Variants in BTBD8 observed in about 807,000 individuals in gnomAD.
BTBD8 encodes the protein BTB/POZ domain-containing protein 8.
BTBD8 carries 110 observed loss-of-function variants against 162.9 expected under a neutral mutation model. The observed-to-expected ratio is 0.68, with a 90% CI of 0.58 to 0.79. BTBD8 has a LOEUF of 0.79. Among genes scored for constraint, BTBD8 ranks in the 30% least tolerant of loss-of-function variants. BTBD8 has a pLI of 0.00. For synonymous variants in BTBD8, 667 were observed against 716.1 expected, an observed-to-expected ratio of 0.93 and a Z score of 1.10; for missense variants, 1,905 against 2,085.4, an observed-to-expected ratio of 0.91 and a Z score of 1.68.
chr1:92,180,365 A>G lies in BTBD8; in HGVS notation c.2682A>G (p.Lys894=), dbSNP rs1389496651. Residue 894 remains lysine, a synonymous_variant, in exon 17 of 18, where the codon AAA becomes AAG. Transcript: ENST00000636805. ...AKLDHNTTTE[K]QAPKRKMVKQ... is the part of the protein sequence containing the mutation. ...TGGACCACAATACAACTACAGAGAA[A>G]CAAGCACCTAAGAGAAAAATGGTCA... 4 of 1,551,698 alleles carry G rather than the reference A, an allele frequency of 2.6e-6. No homozygotes were observed. Among genetic ancestry groups the G allele is most frequent in the Admixed American group, 2.0e-5 (1 of 51,012 alleles).
chr1:92,139,356 C>T lies in BTBD8; in HGVS notation c.759C>T (p.Ser253=), dbSNP rs752941229. Residue 253 remains serine (S), a synonymous_variant, in exon 6 of 18, where the codon AGC becomes AGT. Transcript: ENST00000636805. ...SQEYVTLQGI[S]HVELNVMMHF... ...GTTTTCTTTTATTTTTCAGTATAAGCCATGTAGAACTGAATGTTATGATGC... is the reference window on the plus strand; with the variant it reads ...GTTTTCTTTTATTTTTCAGTATAAGTCATGTAGAACTGAATGTTATGATGC... The T allele has an allele frequency of 2.5e-6, 4 of 1,573,780 alleles. No homozygotes were observed. The highest frequency in any genetic ancestry group is 3.4e-6 in the Non-Finnish European group (4 of 1,168,116).
At chr1:92,143,684 GTATTTT>G (rs1649831698) in intron 7 of BTBD8, among the ~76,000 whole-genome samples, 1 of 151,236 alleles carries the variant, frequency 6.6e-6, no homozygotes, top group Admixed American at 6.6e-5. Context: ...CTAATTTTTT[GTATTTT>G]TAGTAGAGAC....
intron 5 of BTBD8, 101 bp downstream of exon 5, chr1:92,129,877 A>C (rs1649468077): frequency 1.0e-5 from 10 of 993,024 alleles, no homozygotes; most frequent in Non-Finnish European, 1.4e-5. Flanking sequence ...TGTTCAAGGA[A>C]ATATTTCTCA....
At chr1:92,124,001 C>A (rs1649283812) in intron 4 of BTBD8, among the ~76,000 whole-genome samples, 1 of 152,050 alleles carries the variant, frequency 6.6e-6, no homozygotes, top group South Asian at 2.1e-4. Context: ...CGTTCGGGAT[C>A]CAACTGAAAT....
At chr1:92,130,334 A>C (rs983077335) in intron 5 of BTBD8, among the ~76,000 whole-genome samples, 2 of 152,134 alleles carry the variant, frequency 1.3e-5, no homozygotes, top group African/African-American at 4.8e-5. Context: ...CAGACATTTC[A>C]GTTCATAACA....
intron 3 of BTBD8, among the ~76,000 whole-genome samples, chr1:92,105,505 A>G (rs1648703261): frequency 2.6e-5 from 4 of 152,108 alleles, no homozygotes; most frequent in African/African-American, 4.8e-5. Context: ...CACCCGCCTC[A>G]GCCTCCCAAA....
Position 92,177,879 on chromosome 1 carries a change from G to C in BTBD8, c.2422G>C (p.Asp808His). 6.5e-7 allele frequency: 1 copy of C among 1,527,046 alleles called. No individual in the cohort carries two copies. Among genetic ancestry groups the C allele is most frequent in the Non-Finnish European group, 8.9e-7 (1 of 1,125,196 alleles). 94.6% of individuals were successfully genotyped at this position (1,527,046 alleles called of 1,614,324 possible). A position where few individuals can be genotyped will look rare whatever the true frequency, so the allele number is the denominator to read the frequency against. ...TSNKKSIHEQDTNVNNSVLKK... is the reference protein window; with the variant it reads ...TSNKKSIHEQHTNVNNSVLKK... ...CAATAAAAAAAGTATTCATGAACAA[G>C]ACACTAATGTAAATAACAGGTAGGT... Residue 808 changes from aspartate (D) to histidine (H), a missense_variant, in exon 15 of 18, where the codon GAC becomes CAC. Coordinates refer to ENST00000636805, the MANE Select transcript of BTBD8 (RefSeq NM_001376131.1).
At chr1:92,164,793 C>T (rs1448166932) in intron 9 of BTBD8, among the ~76,000 whole-genome samples, 1 of 150,976 alleles carries the variant, frequency 6.6e-6, no homozygotes, top group Non-Finnish European at 1.5e-5. Context: ...TCCCAAGTAG[C>T]TGGGACTACA....
At chr1:92,130,645 A>G (rs1649495450) in intron 5 of BTBD8, among the ~76,000 whole-genome samples, 1 of 151,968 alleles carries the variant, frequency 6.6e-6, no homozygotes, top group African/African-American at 2.4e-5. Flanking sequence ...TCTCAAAAGG[A>G]TCTTAATTGT....
chr1:92,144,810 TACACACACACAC>T (rs10631515), intron 7 of BTBD8, among the ~76,000 whole-genome samples: 18 of 140,798 alleles, frequency 1.3e-4, no homozygotes, highest in African/African-American at 4.2e-4. Context: ...AAAAAAAAAC[TACACACACACAC>T]ACACACACAC....
chr1:92,179,742 A>T (rs1307563532), intron 16 of BTBD8, among the ~76,000 whole-genome samples: 1 of 152,164 alleles, frequency 6.6e-6, no homozygotes, highest in East Asian at 1.9e-4. Context: ...CTAATGAGCT[A>T]CAGTAATAAT....
intron 9 of BTBD8, among the ~76,000 whole-genome samples, chr1:92,162,064 T>G (rs1317456379): frequency 6.6e-6 from 1 of 150,964 alleles, no homozygotes; most frequent in South Asian, 2.2e-4. Context: ...TATGGAGGAA[T>G]CTACCACTTG....
At chr1:92,155,035 T>C (rs560369724) in intron 9 of BTBD8, among the ~76,000 whole-genome samples, 2 of 152,334 alleles carry the variant, frequency 1.3e-5, no homozygotes, top group South Asian at 4.1e-4. Flanking sequence ...ACCCATTGTG[T>C]ATTCTTGGCA....
In BTBD8 at chr1:92,177,821, T is replaced by C. The variant is rs1386974374; in HGVS notation, c.2364T>C (p.Ser788=). 6.5e-7 allele frequency: 1 copy of C among 1,532,432 alleles called. No homozygotes were observed. Among genetic ancestry groups the C allele is most frequent in the Non-Finnish European group, 8.8e-7 (1 of 1,130,660 alleles). The allele number at this position is 1,532,432 out of a possible 1,614,324, so 94.9% of individuals were successfully genotyped here. A position where few individuals can be genotyped will look rare whatever the true frequency, so the allele number is the denominator to read the frequency against. Residue 788 remains serine, a synonymous_variant, in exon 15 of 18, where the codon TCT becomes TCC. Coordinates refer to ENST00000636805, the MANE Select transcript of BTBD8 (RefSeq NM_001376131.1). ...TTTCTTAATTTATAGCCATAAAATC[T>C]CGACCTGTTTCAAGAGTTACCAATG... ...SVKNSTVAIK[S]RPVSRVTNGT...
intron 10 of BTBD8, 114 bp from the exon 11 acceptor site, chr1:92,167,734 C>G: frequency 1.3e-6 from 1 of 786,684 alleles, no homozygotes; most frequent in South Asian, 3.0e-5. Flanking sequence ...GGAAAAAATA[C>G]GATTTCTGGT....
chr1:92,095,319 C>A (rs753660768), intron 2 of BTBD8, among the ~76,000 whole-genome samples: 3 of 152,182 alleles, frequency 2.0e-5, no homozygotes, highest in Admixed American at 1.3e-4. Flanking sequence ...CCTTGCCTTG[C>A]TTATTTCTTC....
chr1:92,173,157 TC>T (rs556377871), intron 13 of BTBD8, among the ~76,000 whole-genome samples: 241 of 152,332 alleles, frequency 1.6e-3, no homozygotes, highest in Non-Finnish European at 2.6e-3. Context: ...ACTCCCGACC[TC>T]AGGTGATCTG....
intron 17 of BTBD8, among the ~76,000 whole-genome samples, chr1:92,183,021 C>A (rs1650965970): frequency 1.3e-5 from 2 of 151,912 alleles, no homozygotes; most frequent in South Asian, 4.1e-4. Context: ...ACTAAAAGCA[C>A]TGAACTATTT....
chr1:92,121,113 A>G (rs1649196343), intron 4 of BTBD8, among the ~76,000 whole-genome samples: 1 of 152,172 alleles, frequency 6.6e-6, no homozygotes, highest in African/African-American at 2.4e-5. Context: ...AATTTTGTCA[A>G]ATGCTTTCCT....
Sources: allele counts gnomAD v4.1 joint callset (sites outside exome capture counted in the v4.1 genomes callset), GRCh38; gene constraint gnomAD v4.1.1; transcripts MANE v1.5; gene names NCBI Gene and HGNC (gene_info 2026-07-23, HGNC 2026-07-21).